Variants in ABCA13 observed in about 807,000 individuals in gnomAD.
ABCA13 encodes ATP-binding cassette sub-family A member 13.
In ABCA13, 476 loss-of-function variants were observed where a neutral mutation model predicts 478.7. The ratio of observed to expected loss-of-function variants is 0.99; its 90% CI spans 0.92 to 1.07. The LOEUF is 1.07. Among genes scored for constraint, ABCA13 ranks in the 50% least tolerant of loss-of-function variants. The pLI is 0.00. For synonymous variants in ABCA13, 2,252 were observed against 2,158.9 expected (o/e 1.04, Z -1.20); for missense variants, 6,060 against 5,910.6 (o/e 1.03, Z -0.83).
chr7:48,209,289 T>C lies in ABCA13; in HGVS notation c.288-10065T>C, dbSNP rs1458916732. On this transcript the variant is annotated intron_variant, in intron 3 of 61. Coordinates refer to ENST00000435803, the MANE Select transcript of ABCA13 (RefSeq NM_152701.5). The stretch of plus-strand genomic sequence containing the variant: ...ATTTTGTTGAGAATTTTTGCATCTA[T>C]GTTCATCAGAAATATTGGCCTCTGG... Among the ~76,000 whole-genome samples the C allele has an allele frequency of 2.6e-5, 4 of 152,182 alleles. No homozygotes were observed. The East Asian group carries it at 7.7e-4, about 29-fold the overall frequency.
intron 48 of ABCA13, among the ~76,000 whole-genome samples, chr7:48,504,924 G>C (rs985692001): frequency 1.3e-5 from 2 of 152,114 alleles, no homozygotes; most frequent in African/African-American, 4.8e-5. Context: ...AAAGCTTGGT[G>C]AAAGAAAGAC....
At chr7:48,440,889 A>T (rs542589332) in intron 42 of ABCA13, among the ~76,000 whole-genome samples, 12 of 152,250 alleles carry the variant, frequency 7.9e-5, no homozygotes, top group Non-Finnish European at 1.2e-4. Context: ...TTTTGAATTT[A>T]AGAAAGAACC....
chr7:48,353,462 G>A (rs968498058), intron 31 of ABCA13, among the ~76,000 whole-genome samples: 10 of 151,408 alleles, frequency 6.6e-5, no homozygotes, highest in South Asian at 2.1e-4. Context: ...ACCGGTTTGC[G>A]TGTTCTCTTA....
chr7:48,436,758 T>G (rs1822888702), intron 42 of ABCA13, among the ~76,000 whole-genome samples: 1 of 151,850 alleles, frequency 6.6e-6, no homozygotes, highest in African/African-American at 2.4e-5. Context: ...ACTTTTCTTG[T>G]GATTTACTAT....
At chr7:48,454,033 C>A (rs1474934266) in intron 42 of ABCA13, among the ~76,000 whole-genome samples, 1 of 152,150 alleles carries the variant, frequency 6.6e-6, no homozygotes, top group Admixed American at 6.6e-5. Flanking sequence ...GTTTGCTGCT[C>A]TCTATTAACT....
intron 42 of ABCA13, among the ~76,000 whole-genome samples, chr7:48,439,774 T>C (rs1429520605): frequency 1.3e-5 from 2 of 152,150 alleles, no homozygotes; most frequent in Non-Finnish European, 2.9e-5. Context: ...CAGGATAATC[T>C]GTTTTGATTA....
intron 3 of ABCA13, among the ~76,000 whole-genome samples, chr7:48,206,606 TA>T (rs201808412): frequency 6.9e-5 from 10 of 144,544 alleles, no homozygotes; most frequent in Non-Finnish European, 1.6e-4. Context: ...GGTTAATTTT[TA>T]AAAAAAATTT....
intron 30 of ABCA13, among the ~76,000 whole-genome samples, chr7:48,351,785 T>C (rs1437760789): frequency 6.6e-6 from 1 of 152,210 alleles, no homozygotes; most frequent in Admixed American, 6.5e-5. Context: ...CCGTGTGGCA[T>C]AAAATAGAAT....
In ABCA13 at chr7:48,449,088, C is replaced by T. The variant is rs536255950; in HGVS notation, c.12566-5949C>T. 1.1e-4 allele frequency among the ~76,000 whole-genome samples: 16 copies of T among 152,280 alleles called. 1 individual carries two copies. In the South Asian group the frequency reaches 3.1e-3, roughly 30 times the overall value. Reference sequence around the variant, plus strand: ...GAACTCTTGACCTCCAGTGATTCGCCCACCTTGGCCTCCCAAAGTGCTGGG... The same window carrying T: ...GAACTCTTGACCTCCAGTGATTCGCTCACCTTGGCCTCCCAAAGTGCTGGG... On this transcript the variant is annotated intron_variant, in intron 42 of 61. Transcript: ENST00000435803.
intron 47 of ABCA13, among the ~76,000 whole-genome samples, chr7:48,487,748 A>G (rs1316623587): frequency 2.0e-5 from 3 of 152,138 alleles, no homozygotes; most frequent in South Asian, 2.1e-4. Context: ...CTGAGTTTCT[A>G]TCATTTCCAG....
intron 59 of ABCA13, among the ~76,000 whole-genome samples, chr7:48,621,360 A>G (rs577576974): frequency 1.6e-4 from 25 of 152,330 alleles, no homozygotes; most frequent in African/African-American, 5.8e-4. Context: ...CCTAGAGAGC[A>G]CAGACTTTGT....
intron 39 of ABCA13, among the ~76,000 whole-genome samples, chr7:48,405,426 C>T (rs894442821): frequency 5.3e-5 from 8 of 152,354 alleles, no homozygotes; most frequent in Admixed American, 5.2e-4. Context: ...AGACTCCTGA[C>T]TCCATTTACC....
At chr7:48,545,872 G>T (rs577542324) in intron 55 of ABCA13, among the ~76,000 whole-genome samples, 1 of 151,836 alleles carries the variant, frequency 6.6e-6, no homozygotes, top group South Asian at 2.1e-4. Context: ...GAAATATGGA[G>T]GATAGAAAGA....
chr7:48,595,154 C>G (rs1014933716), intron 58 of ABCA13, among the ~76,000 whole-genome samples: 2 of 152,302 alleles, frequency 1.3e-5, no homozygotes, highest in South Asian at 4.1e-4. Context: ...CTTTCAGATC[C>G]TTTCCATCCA....
chr7:48,345,141 T>C (rs1357284766), intron 29 of ABCA13, among the ~76,000 whole-genome samples: 5 of 152,226 alleles, frequency 3.3e-5, no homozygotes, highest in Non-Finnish European at 7.3e-5. Context: ...ACTCACTTGT[T>C]TGTGGGGATG....
At chr7:48,215,175 G>A (rs1362233858) in intron 3 of ABCA13, among the ~76,000 whole-genome samples, 3 of 152,080 alleles carry the variant, frequency 2.0e-5, no homozygotes, top group Admixed American at 6.6e-5. Context: ...ACAGACATGT[G>A]ACTCTTCCTT....
intron 27 of ABCA13, among the ~76,000 whole-genome samples, chr7:48,325,492 G>C (rs1483005539): frequency 2.0e-5 from 3 of 152,042 alleles, no homozygotes; most frequent in African/African-American, 7.2e-5. Flanking sequence ...GCTTAAAACT[G>C]TAGCTTTTGG....
intron 38 of ABCA13, among the ~76,000 whole-genome samples, chr7:48,396,937 G>A (rs1358339785): frequency 2.0e-5 from 3 of 152,214 alleles, no homozygotes. Flanking sequence ...AAATGAGGCA[G>A]TATTATGAAC....
chr7:48,513,488 G>C (rs913646951), intron 51 of ABCA13, among the ~76,000 whole-genome samples: 3 of 152,130 alleles, frequency 2.0e-5, no homozygotes, highest in Non-Finnish European at 4.4e-5. Context: ...CTTACATAAA[G>C]ATGGAAACCT....
Sources: gnomAD v4.1 joint callset for allele counts (sites outside exome capture counted in the v4.1 genomes callset) on GRCh38, gnomAD v4.1.1 for gene constraint, MANE v1.5 for transcripts, NCBI Gene and HGNC (gene_info 2026-07-23, HGNC 2026-07-21) for gene names.